The following NELFA variants were observed in gnomAD, a reference collection of about 807,000 sequenced individuals.
The protein encoded by NELFA is negative elongation factor complex member A.
In NELFA, 35 loss-of-function variants were observed where a neutral mutation model predicts 51.8. The ratio of observed to expected loss-of-function variants is 0.68; its 90% CI spans 0.52 to 0.90. The LOEUF is 0.90. Among genes scored for constraint, NELFA ranks in the 40% least tolerant of loss-of-function variants. The pLI, the probability that NELFA is intolerant of heterozygous loss-of-function variation, is 0.00. For synonymous variants in NELFA, 417 were observed against 338.4 expected (o/e 1.23, Z -2.55); for missense variants, 658 against 746.4 (o/e 0.88, Z 1.38).
At chr4:1,990,806 T>C (rs768785384) in intron 2 of NELFA, among the ~76,000 whole-genome samples, 10 of 152,150 alleles carry the variant, frequency 6.6e-5, no homozygotes, top group Non-Finnish European at 1.3e-4. Context: ...CTACAAATAG[T>C]TGTTTCTTTT....
At chr4:1,994,396 C>G (rs1029206436) in intron 1 of NELFA, among the ~76,000 whole-genome samples, 42 of 152,186 alleles carry the variant, frequency 2.8e-4, no homozygotes, top group Admixed American at 6.5e-4. Context: ...GAAACCCCAT[C>G]TCTACTGAAA....
chr4:1,992,119 C>A, intron 1 of NELFA: 1 of 220,078 alleles, frequency 4.5e-6, no homozygotes, highest in South Asian at 5.7e-5. Context: ...GGCAGGTGCC[C>A]GGCACAGCAG....
At chr4:2,002,017 G>A (rs1268367998) in intron 1 of NELFA, among the ~76,000 whole-genome samples, 10 of 151,542 alleles carry the variant, frequency 6.6e-5, no homozygotes, top group East Asian at 1.9e-4. Context: ...TGGCTAACAC[G>A]GTGAAACCCT....
intron 1 of NELFA, among the ~76,000 whole-genome samples, chr4:1,996,498 T>C (rs1366371277): frequency 2.0e-5 from 3 of 152,164 alleles, no homozygotes; most frequent in Admixed American, 6.6e-5. Flanking sequence ...GAAAGAAAAT[T>C]AGTGAAACAG....
At chr4:1,998,113 A>C (rs909968131) in intron 1 of NELFA, among the ~76,000 whole-genome samples, 2 of 152,260 alleles carry the variant, frequency 1.3e-5, no homozygotes, top group South Asian at 2.1e-4. Context: ...CAACAACAAC[A>C]ACCACAACAA....
chr4:1,987,592 C>A (rs1483651768), intron 4 of NELFA: 2 of 291,042 alleles, frequency 6.9e-6, no homozygotes, highest in African/African-American at 2.2e-5. Context: ...AGCAGAGGAG[C>A]AGGGGCCAGC....
intron 1 of NELFA, among the ~76,000 whole-genome samples, chr4:2,008,340 C>G (rs1449697302): frequency 6.6e-6 from 1 of 150,940 alleles, no homozygotes; most frequent in East Asian, 2.0e-4. Flanking sequence ...GAGTGAGGAC[C>G]TGGGGGTCGT....
Position 1,996,947 on chromosome 4 carries a change from A to AT in NELFA, c.211-5233dup, listed in dbSNP as rs1391137563. 1.8e-4 allele frequency among the ~76,000 whole-genome samples: 27 copies of AT among 151,600 alleles called. 1 individual carries two copies. Among genetic ancestry groups the AT allele is most frequent in the African/African-American group, 6.6e-4 (27 of 40,932 alleles). The stretch of plus-strand genomic sequence containing the variant: ...ATTTGAGACACTCTCTCTACAAAAA[A>AT]TTTAAAAAAAAAGAAAAGTAGGCAG... On this transcript the variant is annotated intron_variant, in intron 1 of 10. Coordinates refer to ENST00000382882, the MANE Select transcript of NELFA (RefSeq NM_005663.5).
intron 1 of NELFA, among the ~76,000 whole-genome samples, chr4:2,007,535 T>C (rs1342720769): frequency 2.0e-5 from 3 of 152,276 alleles, no homozygotes; most frequent in African/African-American, 7.2e-5. Context: ...AAATACACTA[T>C]GATACCATCA....
intron 4 of NELFA, among the ~76,000 whole-genome samples, chr4:1,987,048 C>T (rs1056023711): frequency 6.6e-6 from 1 of 152,140 alleles, no homozygotes; most frequent in African/African-American, 2.4e-5. Flanking sequence ...CAAGGTGGAA[C>T]CTCGGCTGCG....
intron 1 of NELFA, among the ~76,000 whole-genome samples, chr4:1,999,941 G>A (rs1728529568): frequency 6.6e-6 from 1 of 152,110 alleles, no homozygotes. Context: ...AGACCACAGT[G>A]CAAATTAGAA....
intron 1 of NELFA, 113 bp downstream of exon 1, chr4:2,008,637 A>T: frequency 4.6e-6 from 5 of 1,090,434 alleles, no homozygotes; most frequent in African/African-American, 2.9e-5. Flanking sequence ...TAACAGTCTG[A>T]AGGGGGATGG....
chr4:1,999,382 T>A (rs556890272), intron 1 of NELFA, among the ~76,000 whole-genome samples: 4 of 151,888 alleles, frequency 2.6e-5, no homozygotes, highest in African/African-American at 7.3e-5. Context: ...CCCATTGGTG[T>A]GCTGTATGCA....
chr4:1,991,087 C>T (rs1477344069), intron 2 of NELFA, among the ~76,000 whole-genome samples: 2 of 152,242 alleles, frequency 1.3e-5, no homozygotes, highest in Admixed American at 6.5e-5. Flanking sequence ...GAGTGAGCCA[C>T]GGAGCCCAGC....
chr4:1,998,901 G>A (rs1187752278), intron 1 of NELFA, among the ~76,000 whole-genome samples: 1 of 152,140 alleles, frequency 6.6e-6, no homozygotes, highest in Non-Finnish European at 1.5e-5. Flanking sequence ...CAGAGAGAAA[G>A]GCCAGGTCAC....
chr4:1,983,195 C>G lies in NELFA; in HGVS notation c.*124G>C. ...ATCCAGAACTTAAAACAGGCTGGGT[C>G]AGCAGCAGGGCGGCGGCCGGGGGAC... On this transcript the variant is annotated 3_prime_UTR_variant, in exon 11 of 11. Transcript: ENST00000382882. The G allele has an allele frequency of 2.2e-6, 2 of 929,640 alleles. No individual in the cohort carries two copies. The highest frequency in any genetic ancestry group is 1.6e-6 in the Non-Finnish European group (1 of 627,562). The allele number at this position is 929,640 out of a possible 1,614,324, so 57.6% of individuals were successfully genotyped here. A position where few individuals can be genotyped will look rare whatever the true frequency, so the allele number is the denominator to read the frequency against.
At position 1,984,057 on chromosome 4, in the gene NELFA, T is replaced by A; in HGVS notation, c.1093A>T (p.Thr365Ser). 1 of 1,602,094 alleles carries A rather than the reference T, an allele frequency of 6.2e-7. No homozygotes were observed. Among genetic ancestry groups the A allele is most frequent in the Non-Finnish European group, 8.5e-7 (1 of 1,177,766 alleles). ...PPEEPSAPSP[T>S]LPAQFKQRAP... ...CGCTGCTTGAACTGCGCTGGCAACG[T>A]GGGGCTCGGGGCGCTGGGCTCCTCT... Residue 365 changes from threonine (T) to serine (S), a missense_variant, in exon 9 of 11, where the codon ACG (threonine) becomes TCG (serine). By Grantham distance (58) the Thr-to-Ser change is moderately conservative (BLOSUM62 1). Around this residue, in one of 3 missense-constraint regions of NELFA, gnomAD observed 200 missense variants for 167.9 expected, o/e 1.19. Coordinates refer to ENST00000382882, the MANE Select transcript of NELFA (RefSeq NM_005663.5).
In NELFA at chr4:1,991,643, C is replaced by T. The variant is rs765312859; in HGVS notation, c.283G>A (p.Asp95Asn). The T allele has an allele frequency of 1.9e-5, 30 of 1,613,962 alleles. No individual in the cohort carries two copies. The highest frequency in any genetic ancestry group is 8.9e-5 in the East Asian group (4 of 44,874). ...GTGTCCGGAAAGGACTTCAAGATGT[C>T]GGCGACCATGAGCACCCAGGGGTCC... is the stretch of plus-strand genomic sequence containing the variant. ...DSDPWVLMVA[D>N]ILKSFPDTGS... Residue 95 changes from aspartate to asparagine, a missense_variant, in exon 2 of 11, where the codon GAC (aspartate) becomes AAC (asparagine). By Grantham distance (23) the Asp-to-Asn change is conservative (BLOSUM62 1). Coordinates refer to ENST00000382882, the MANE Select transcript of NELFA (RefSeq NM_005663.5).
intron 1 of NELFA, among the ~76,000 whole-genome samples, chr4:1,996,925 T>G (rs541628364): frequency 6.6e-6 from 1 of 152,002 alleles, no homozygotes; most frequent in African/African-American, 2.4e-5. Context: ...GAAGGGTATT[T>G]GAGACACTCT....
Sources: gnomAD v4.1 joint callset for allele counts (sites outside exome capture counted in the v4.1 genomes callset) on GRCh38, gnomAD v4.1.1 for gene constraint, gnomAD v4.1.1 regional missense constraint, MANE v1.5 for transcripts, NCBI Gene and HGNC (gene_info 2026-07-23, HGNC 2026-07-21) for gene names.